DOCK8: variants seen among roughly 807,000 people sequenced by gnomAD.
DOCK8 encodes dedicator of cytokinesis protein 8.
Under a neutral mutation model 245.6 loss-of-function variants are expected in DOCK8, and 141 were observed. The observed-to-expected ratio is 0.57, with a 90% CI of 0.50 to 0.66. The LOEUF is 0.66. Ranked by LOEUF, DOCK8 falls within the 30% of genes least tolerant of loss-of-function variation. DOCK8 has a pLI of 0.00. For missense variants in DOCK8, 2,965 were observed against 2,603.4 expected (o/e 1.14, Z -3.02); for synonymous variants, 1,168 against 970.2 (o/e 1.20, Z -3.79).
At chr9:250,321 G>A (rs570927800) in intron 1 of DOCK8, among the ~76,000 whole-genome samples, 2 of 152,278 alleles carry the variant, frequency 1.3e-5, no homozygotes, top group Non-Finnish European at 2.9e-5. Flanking sequence ...ATTTTTCCAT[G>A]TGAGCTAAAT....
chr9:353,291 C>G (rs563991098), intron 14 of DOCK8, among the ~76,000 whole-genome samples: 1 of 152,304 alleles, frequency 6.6e-6, no homozygotes, highest in East Asian at 1.9e-4. Context: ...GGGCATCTGG[C>G]CAATTTATTT....
chr9:439,164 C>T (rs1394436793), intron 39 of DOCK8, 81 bp from the exon 40 acceptor site: 15 of 1,580,858 alleles, frequency 9.5e-6, no homozygotes, highest in Admixed American at 8.3e-5. Context: ...CCAGCTTCCT[C>T]GTTTCCCCAT....
intron 1 of DOCK8, among the ~76,000 whole-genome samples, chr9:244,059 C>G (rs13287444): frequency 0.16 from 23,869 of 151,664 alleles, 1,992 homozygotes; most frequent in African/African-American, 0.21. Context: ...GTGGCGGCGA[C>G]CGCTTGTAGT....
rs149496373 is a variant in DOCK8 at position 246,096 on chromosome 9, G to A, written c.54-25531G>A. Among the ~76,000 whole-genome samples the A allele has an allele frequency of 4.2e-3, 638 of 152,168 alleles. 4 individuals carry two copies. The highest frequency in any genetic ancestry group is 0.015 in the African/African-American group (619 of 41,518). On this transcript the variant is annotated intron_variant, in intron 1 of 47. Transcript: ENST00000432829. ...ATTGGCCAGGCATAGTGGCGTACCT[G>A]TAGTTCCAGCTACTTGGGAGGCTAA...
At chr9:328,194 GC>G (rs768697038) in intron 9 of DOCK8, 23 bp downstream of exon 9, 276 of 1,605,778 alleles carry the variant, frequency 1.7e-4, no homozygotes, top group Admixed American at 8.0e-4. Flanking sequence ...GATCTGATTT[GC>G]CCAATCTGAT....
chr9:391,455 AAT>A (rs1377965034), intron 24 of DOCK8, among the ~76,000 whole-genome samples: 1 of 152,198 alleles, frequency 6.6e-6, no homozygotes, highest in African/African-American at 2.4e-5. Flanking sequence ...TGGAAAACAG[AAT>A]GAAATTTGTA....
chr9:426,919 A>G lies in DOCK8; in HGVS notation c.4276A>G (p.Ser1426Gly), dbSNP rs755182322. 5 of 1,614,202 alleles carry G rather than the reference A, an allele frequency of 3.1e-6. No individual in the cohort carries two copies. In the Admixed American group the frequency reaches 6.7e-5, roughly 22 times the overall value. Reference protein sequence around the residue: ...KAELDQEALISGNLATEAHLI... With the variant: ...KAELDQEALIGGNLATEAHLI... ...CGAGTTAGATCAAGAAGCCTTGATC[A>G]GTGGCAATCTGGCTACAGAAGCACA... Residue 1426 changes from serine (S) to glycine (G), a missense_variant, in exon 34 of 48, where the codon AGT (serine) becomes GGT (glycine). This residue lies in a region of DOCK8 where 2,825 missense variants were observed against 2,453.5 expected (regional missense o/e 1.15). Coordinates refer to ENST00000432829, the MANE Select transcript of DOCK8 (RefSeq NM_203447.4).
intron 30 of DOCK8, chr9:420,151 G>C (rs563205969): frequency 7.2e-6 from 4 of 552,198 alleles, no homozygotes; most frequent in East Asian, 6.4e-5. Flanking sequence ...CAGATACGTG[G>C]CTGAAAGCCT....
intron 1 of DOCK8, among the ~76,000 whole-genome samples, chr9:248,993 C>T (rs555099896): frequency 7.2e-5 from 11 of 152,310 alleles, no homozygotes; most frequent in Admixed American, 7.2e-4. Context: ...GGGCTGCCTC[C>T]ACCACAGACA....
intron 35 of DOCK8, 105 bp downstream of exon 35, chr9:428,601 G>A: frequency 7.1e-7 from 1 of 1,413,554 alleles, no homozygotes; most frequent in Non-Finnish European, 9.9e-7. Flanking sequence ...AGCATATTAA[G>A]TGGCATCACA....
At chr9:229,935 G>T (rs2047070891) in intron 1 of DOCK8, among the ~76,000 whole-genome samples, 1 of 147,920 alleles carries the variant, frequency 6.8e-6, no homozygotes, top group South Asian at 2.2e-4. Context: ...TTAAGTTTTA[G>T]GGTACATGTG....
At chr9:253,383 C>T (rs888713605) in intron 1 of DOCK8, among the ~76,000 whole-genome samples, 1 of 152,128 alleles carries the variant, frequency 6.6e-6, no homozygotes, top group Non-Finnish European at 1.5e-5. Context: ...TGACCTACTG[C>T]CCATTGTACC....
At chr9:410,733 A>C (rs538289830) in intron 28 of DOCK8, among the ~76,000 whole-genome samples, 40 of 152,364 alleles carry the variant, frequency 2.6e-4, no homozygotes, top group African/African-American at 9.4e-4. Context: ...AGCCAAAATA[A>C]ATGAAATAAA....
chr9:390,668 C>G (rs1331058509), intron 24 of DOCK8, 102 bp downstream of exon 24: 1 of 1,129,776 alleles, frequency 8.9e-7, no homozygotes, highest in Non-Finnish European at 1.3e-6. Flanking sequence ...TGCTGAAAAC[C>G]TGGGGTGGTT....
rs7024113 is a variant in DOCK8 at position 417,918 on chromosome 9, A to G, written c.3701-150A>G. On this transcript the variant is annotated intron_variant, in intron 29 of 47. Transcript: ENST00000432829. The stretch of plus-strand genomic sequence containing the variant: ...GTCTCTTAGCCTGCTGTGTTTTCCT[A>G]TAGGTGATAGCAGATACATAATGCT... 0.3 allele frequency: 270,516 copies of G among 916,948 alleles called. 44,743 individuals carry two copies. Among genetic ancestry groups the G allele is most frequent in the East Asian group, 0.55 (20,703 of 37,824 alleles). The allele number at this position is 916,948 out of a possible 1,614,324, so 56.8% of individuals were successfully genotyped here. A position where few individuals can be genotyped will look rare whatever the true frequency, so the allele number is the denominator to read the frequency against.
At chr9:289,843 T>C (rs1395784966) in intron 4 of DOCK8, among the ~76,000 whole-genome samples, 2 of 152,220 alleles carry the variant, frequency 1.3e-5, no homozygotes, top group Non-Finnish European at 2.9e-5. Context: ...GACCATAGTT[T>C]ACATTAATGT....
At chr9:371,381 A>T in intron 16 of DOCK8, 47 bp from the exon 17 acceptor site, 1 of 1,612,388 alleles carries the variant, frequency 6.2e-7, no homozygotes, top group Non-Finnish European at 8.5e-7. Context: ...CAGAGAAGTC[A>T]TCATTCTTGC....
intron 1 of DOCK8, among the ~76,000 whole-genome samples, chr9:264,644 G>A (rs2047995274): frequency 6.6e-6 from 1 of 152,182 alleles, no homozygotes; most frequent in African/African-American, 2.4e-5. Context: ...TACAGTTATG[G>A]ATAGAGATCT....
At chr9:283,357 C>G (rs147114812) in intron 2 of DOCK8, among the ~76,000 whole-genome samples, 1 of 152,198 alleles carries the variant, frequency 6.6e-6, no homozygotes, top group Non-Finnish European at 1.5e-5. Flanking sequence ...CCTGACCTCA[C>G]GTGATAGGTC....
Sources: allele counts gnomAD v4.1 joint callset (sites outside exome capture counted in the v4.1 genomes callset), GRCh38; gene constraint gnomAD v4.1.1; regional missense constraint gnomAD v4.1.1; transcripts MANE v1.5; gene names NCBI Gene and HGNC (gene_info 2026-07-23, HGNC 2026-07-21).